Variants in GAB1 observed in about 807,000 individuals in gnomAD.
GAB1 encodes GRB2 associated binding protein 1, also known as GRB2-associated-binding protein 1.
GAB1 carries 19 observed loss-of-function variants against 66.5 expected under a neutral mutation model. The observed-to-expected ratio is 0.29, with a 90% confidence interval of 0.20 to 0.42. The LOEUF (loss-of-function observed/expected upper bound fraction) is 0.42. Ranked by LOEUF, GAB1 falls within the 10% of genes least tolerant of loss-of-function variation. The pLI, the probability that GAB1 is intolerant of heterozygous loss-of-function variation, is 1.00. For missense variants in GAB1, 732 were observed against 858.5 expected, an observed-to-expected ratio of 0.85 and a Z score of 1.84; for synonymous variants, 294 against 301.4, an observed-to-expected ratio of 0.98 and a Z score of 0.25.
At chr4:143,451,737 A>G (rs1369432292) in intron 6 of GAB1, among the ~76,000 whole-genome samples, 3 of 152,216 alleles carry the variant, frequency 2.0e-5, no homozygotes, top group Non-Finnish European at 4.4e-5. Flanking sequence ...CAAACAGGGA[A>G]GGCATAGCAA....
rs757706195 is a variant in GAB1, at chr4:143,438,420, G to A, written c.1015G>A (p.Asp339Asn). 77 of 1,613,842 alleles carry A rather than the reference G, an allele frequency of 4.8e-5. No individual in the cohort carries two copies. Among genetic ancestry groups the A allele is most frequent in the Non-Finnish European group, 6.1e-5 (72 of 1,179,980 alleles). ...GQTSKLDTIP[D>N]IPPPRPPKPH... ...GACATCAAAGCTAGACACTATTCCA[G>A]ATATTCCTCCACCTCGGCCACCGAA... Residue 339 changes from aspartate to asparagine, a missense_variant, in exon 4 of 10, where the codon GAT becomes AAT. Physicochemically the swap from Asp to Asn is conservative, Grantham distance 23. Coordinates refer to ENST00000262994, the MANE Select transcript of GAB1 (RefSeq NM_002039.4).
intron 1 of GAB1, among the ~76,000 whole-genome samples, chr4:143,337,926 A>G (rs1193522817): frequency 2.0e-5 from 3 of 152,106 alleles, no homozygotes; most frequent in Non-Finnish European, 4.4e-5. Context: ...TTGCTGCGAG[A>G]GGAGGGCGCT....
chr4:143,405,477 C>G (rs193202494), intron 1 of GAB1, among the ~76,000 whole-genome samples: 1 of 151,390 alleles, frequency 6.6e-6, no homozygotes, highest in Non-Finnish European at 1.5e-5. Flanking sequence ...TGAATTCTTA[C>G]AACAATAAGA....
intron 2 of GAB1, among the ~76,000 whole-genome samples, chr4:143,431,942 GA>G (rs890565957): frequency 7.6e-5 from 11 of 144,526 alleles, no homozygotes; most frequent in Admixed American, 4.1e-4. Context: ...TCTGAAAAAA[GA>G]AAAAAAAAAG....
At chr4:143,388,503 C>T (rs1325036532) in intron 1 of GAB1, among the ~76,000 whole-genome samples, 2 of 152,208 alleles carry the variant, frequency 1.3e-5, no homozygotes, top group African/African-American at 4.8e-5. Context: ...CAACCTCCAC[C>T]TCCCAGGTTC....
intron 1 of GAB1, among the ~76,000 whole-genome samples, chr4:143,399,979 C>T (rs1731679023): frequency 6.7e-6 from 1 of 150,204 alleles, no homozygotes; most frequent in Admixed American, 6.6e-5. Flanking sequence ...TCACCTGTCA[C>T]CCAGGCTGGA....
At position 143,423,923 on chromosome 4, in the gene GAB1, A is replaced by C. The variant is rs147873501; in HGVS notation, c.367+8152A>C. On this transcript the variant is annotated intron_variant, in intron 2 of 9. Transcript: ENST00000262994. Reference sequence around the variant, plus strand: ...GTCCTCTTTTCAGAAAATTGAGAGGATCTTGCAGGTATAAAGAGGGTAAGA... The same window carrying C: ...GTCCTCTTTTCAGAAAATTGAGAGGCTCTTGCAGGTATAAAGAGGGTAAGA... 3.8e-4 allele frequency among the ~76,000 whole-genome samples: 56 copies of C among 148,374 alleles called. 1 individual carries two copies. In the East Asian group the frequency reaches 0.011, roughly 30 times the overall value.
rs1329681636 is a variant in GAB1, at chr4:143,451,301, A to G, written c.1586-8084A>G. ...GTCCTTTAAAAAGAGGGGAGATGAGACAGGCCCAGAGTCGTGGGGAGGTAG... is the reference window on the plus strand; with the variant it reads ...GTCCTTTAAAAAGAGGGGAGATGAGGCAGGCCCAGAGTCGTGGGGAGGTAG... On this transcript the variant is annotated intron_variant, in intron 6 of 9. Coordinates refer to ENST00000262994, the MANE Select transcript of GAB1 (RefSeq NM_002039.4). Among the ~76,000 whole-genome samples, 7 of 152,224 alleles carry G rather than the reference A, an allele frequency of 4.6e-5. 1 individual carries two copies. The South Asian group carries it at 6.2e-4, about 14-fold the overall frequency.
At chr4:143,425,082 A>G in intron 2 of GAB1, 1 of 904,468 alleles carries the variant, frequency 1.1e-6, no homozygotes. Flanking sequence ...CCTGCAAATG[A>G]AGGAGGATGT....
Position 143,415,730 on chromosome 4 carries a change from G to A in GAB1, c.326G>A (p.Arg109His), listed in dbSNP as rs377700737. The change falls in exon 2 of 10, where the codon CGT (arginine) becomes CAT (histidine). Residue 109 changes from arginine to histidine, a missense_variant. Physicochemically the swap from Arg to His is conservative, Grantham distance 29. Coordinates refer to ENST00000262994, the MANE Select transcript of GAB1 (RefSeq NM_002039.4). The stretch of plus-strand genomic sequence containing the variant: ...GAGGAGGAGATGAATAAGTGGGTTC[G>A]TTGTATTTGTGACATCTGTGGGTTT... ...DSEEEMNKWV[R>H]CICDICGFNP... The A allele has an allele frequency of 1.4e-5, 23 of 1,612,796 alleles. No individual in the cohort carries two copies. The highest frequency in any genetic ancestry group is 8.9e-5 in the East Asian group (4 of 44,850).
At chr4:143,386,386 A>G (rs569311624) in intron 1 of GAB1, among the ~76,000 whole-genome samples, 8 of 152,218 alleles carry the variant, frequency 5.3e-5, no homozygotes, top group Non-Finnish European at 1.2e-4. Flanking sequence ...ATTTTATATA[A>G]ATAATATTTT....
At chr4:143,460,324 TG>T (rs1482279734) in intron 7 of GAB1, 39 bp from the exon 8 acceptor site, 6 of 1,601,792 alleles carry the variant, frequency 3.7e-6, no homozygotes, top group Non-Finnish European at 5.1e-6. Flanking sequence ...TAGATATTTT[TG>T]TCAAGGCTTA....
At chr4:143,362,367 G>A (rs1729697565) in intron 1 of GAB1, among the ~76,000 whole-genome samples, 1 of 152,118 alleles carries the variant, frequency 6.6e-6, no homozygotes, top group Non-Finnish European at 1.5e-5. Context: ...GAAAGAATTC[G>A]AGACAAATCT....
chr4:143,349,279 G>A (rs934467772), intron 1 of GAB1: 72 of 1,113,928 alleles, frequency 6.5e-5, no homozygotes, highest in South Asian at 3.2e-5. Flanking sequence ...AAAACCCTAC[G>A]TTGTAGCCAC....
At chr4:143,344,141 A>C (rs946249257) in intron 1 of GAB1, among the ~76,000 whole-genome samples, 1 of 152,168 alleles carries the variant, frequency 6.6e-6, no homozygotes, top group Admixed American at 6.5e-5. Context: ...TGGGAGGGAG[A>C]ATAAAAGAGC....
At chr4:143,464,002 T>TA (rs1735642513) in intron 8 of GAB1, among the ~76,000 whole-genome samples, 2 of 152,350 alleles carry the variant, frequency 1.3e-5, no homozygotes, top group South Asian at 4.1e-4. Context: ...ATATTTCTAA[T>TA]CAGAGAAATG....
chr4:143,407,102 CAG>C (rs1732087657), intron 1 of GAB1, among the ~76,000 whole-genome samples: 1 of 152,142 alleles, frequency 6.6e-6, no homozygotes, highest in African/African-American at 2.4e-5. Flanking sequence ...AACGTGTTAA[CAG>C]GGGTCCTGTG....
At chr4:143,453,299 A>T (rs1388527396) in intron 6 of GAB1, among the ~76,000 whole-genome samples, 1 of 152,160 alleles carries the variant, frequency 6.6e-6, no homozygotes, top group Admixed American at 6.5e-5. Context: ...AAATTTCAAT[A>T]TGATTATATC....
At chr4:143,392,243 T>G (rs1731220326) in intron 1 of GAB1, among the ~76,000 whole-genome samples, 2 of 152,322 alleles carry the variant, frequency 1.3e-5, no homozygotes, top group Admixed American at 1.3e-4. Context: ...GTTTTTATTT[T>G]TACCCCACAA....
Sources: gnomAD v4.1 joint callset for allele counts (sites outside exome capture counted in the v4.1 genomes callset) on GRCh38, gnomAD v4.1.1 for gene constraint, MANE v1.5 for transcripts, NCBI Gene and HGNC (gene_info 2026-07-23, HGNC 2026-07-21) for gene names.